The following TSC22D1 variants were observed in gnomAD, a reference collection of about 807,000 sequenced individuals.
TSC22D1 encodes TSC22 domain family protein 1.
A neutral mutation model predicts 74.2 loss-of-function variants in TSC22D1; 9 were observed. The observed-to-expected ratio is 0.12, with a 90% CI of 0.07 to 0.21. The LOEUF (loss-of-function observed/expected upper bound fraction) is 0.21. Ranked by LOEUF, TSC22D1 falls within the 10% of genes least tolerant of loss-of-function variation. TSC22D1 has a pLI of 1.00. For synonymous variants in TSC22D1, 586 were observed against 492.5 expected, an observed-to-expected ratio of 1.19 and a Z score of -2.51; for missense variants, 1,427 against 1,304.7, an observed-to-expected ratio of 1.09 and a Z score of -1.44.
intron 1 of TSC22D1, among the ~76,000 whole-genome samples, chr13:44,556,005 T>A (rs1882611575): frequency 6.6e-6 from 1 of 152,154 alleles, no homozygotes; most frequent in Admixed American, 6.5e-5. Context: ...CAGTCACTTT[T>A]GGCTATTTCA....
At chr13:44,485,554 T>G (rs1002130184) in intron 1 of TSC22D1, among the ~76,000 whole-genome samples, 5 of 152,104 alleles carry the variant, frequency 3.3e-5, no homozygotes, top group African/African-American at 7.2e-5. Context: ...AGAGAACAGA[T>G]GCCTAGAATA....
intron 1 of TSC22D1, among the ~76,000 whole-genome samples, chr13:44,463,087 A>G (rs562217481): frequency 6.6e-6 from 1 of 152,282 alleles, no homozygotes; most frequent in South Asian, 2.1e-4. Flanking sequence ...TTCTAAAATA[A>G]AAACTAAAGC....
rs147203542 is a variant in TSC22D1, at chr13:44,481,099, C to A, written c.2913-45004G>T. Among the ~76,000 whole-genome samples the A allele has an allele frequency of 1.1e-4, 17 of 152,254 alleles. No individual in the cohort carries two copies. In the East Asian group the frequency reaches 2.5e-3, roughly 22 times the overall value. On this transcript the variant is annotated intron_variant, in intron 1 of 2. Transcript: ENST00000458659. The stretch of plus-strand genomic sequence containing the variant: ...GACTGAAAAGGAGAAGGCCAAGAGA[C>A]AGAAGGAGAACCAGAAGAGACTGGT...
intron 1 of TSC22D1, among the ~76,000 whole-genome samples, chr13:44,572,230 C>CTT (rs1156449341): frequency 2.6e-5 from 4 of 152,040 alleles, no homozygotes; most frequent in Non-Finnish European, 5.9e-5. Flanking sequence ...GATTTCACAA[C>CTT]TTTTTTAGCC....
chr13:44,465,887 C>T (rs1482734714), intron 1 of TSC22D1, among the ~76,000 whole-genome samples: 4 of 152,134 alleles, frequency 2.6e-5, no homozygotes, highest in African/African-American at 9.7e-5. Context: ...GCAGGAGAAT[C>T]GCTTGAACCC....
intron 1 of TSC22D1, among the ~76,000 whole-genome samples, chr13:44,551,139 C>T (rs1882209744): frequency 6.6e-6 from 1 of 151,764 alleles, no homozygotes; most frequent in Non-Finnish European, 1.5e-5. Context: ...GGCATGGTGA[C>T]ATGTACCTGC....
chr13:44,437,384 A>C (rs1329057318), intron 1 of TSC22D1: 8 of 377,270 alleles, frequency 2.1e-5, no homozygotes, highest in Non-Finnish European at 2.9e-5. Flanking sequence ...TTTAAAGATA[A>C]TAATCACCCT....
intron 1 of TSC22D1, among the ~76,000 whole-genome samples, chr13:44,477,729 G>A (rs1051091248): frequency 2.4e-4 from 35 of 143,970 alleles, no homozygotes; most frequent in African/African-American, 8.2e-4. Flanking sequence ...TGCAACCTCC[G>A]CCTCCTGGGC....
intron 1 of TSC22D1, among the ~76,000 whole-genome samples, chr13:44,546,870 G>A (rs1023928432): frequency 6.6e-6 from 1 of 151,760 alleles, no homozygotes; most frequent in Non-Finnish European, 1.5e-5. Context: ...CTTCCCTGAC[G>A]AGCGAACCTC....
At chr13:44,502,325 G>A in intron 1 of TSC22D1, among the ~76,000 whole-genome samples, 1 of 152,254 alleles carries the variant, frequency 6.6e-6, no homozygotes, top group East Asian at 1.9e-4. Context: ...TCTCACCTCT[G>A]ATTAATTAAA....
At chr13:44,538,261 T>C in intron 1 of TSC22D1, 1 of 985,362 alleles carries the variant, frequency 1.0e-6, no homozygotes, top group Non-Finnish European at 1.2e-6. Context: ...AAAAGATATT[T>C]CTTCTACTTC....
At chr13:44,538,757 T>A in intron 1 of TSC22D1, 1 of 985,404 alleles carries the variant, frequency 1.0e-6, no homozygotes, top group Non-Finnish European at 1.2e-6. Flanking sequence ...TCTAGACATA[T>A]TGCATGGATC....
intron 1 of TSC22D1, among the ~76,000 whole-genome samples, chr13:44,498,009 C>T (rs1326175478): frequency 6.6e-6 from 1 of 151,900 alleles, no homozygotes; most frequent in Non-Finnish European, 1.5e-5. Context: ...CCTGTCACTC[C>T]TCCCCTTCCT....
chr13:44,479,393 ATTC>A (rs1464977362), intron 1 of TSC22D1, among the ~76,000 whole-genome samples: 4 of 151,570 alleles, frequency 2.6e-5, no homozygotes, highest in Admixed American at 6.6e-5. Context: ...GCCCAAGACA[ATTC>A]TTCTTCCAGC....
chr13:44,496,034 A>G (rs1056954393), intron 1 of TSC22D1, among the ~76,000 whole-genome samples: 6 of 152,234 alleles, frequency 3.9e-5, no homozygotes, highest in Non-Finnish European at 7.3e-5. Flanking sequence ...AAGATAACCT[A>G]CAGAATGGGA....
intron 1 of TSC22D1, among the ~76,000 whole-genome samples, chr13:44,452,289 C>T (rs1595087562): frequency 6.6e-6 from 1 of 152,284 alleles, no homozygotes; most frequent in South Asian, 2.1e-4. Context: ...AAAAAGGAAA[C>T]TGCCGCACAC....
At chr13:44,507,954 T>C (rs118159475) in intron 1 of TSC22D1, among the ~76,000 whole-genome samples, 5,068 of 152,298 alleles carry the variant, frequency 0.033, 123 homozygotes, top group Non-Finnish European at 0.052. Context: ...TTATACAAAT[T>C]CTAACTTGCG....
At chr13:44,550,916 G>A (rs1220776133) in intron 1 of TSC22D1, among the ~76,000 whole-genome samples, 1 of 151,706 alleles carries the variant, frequency 6.6e-6, no homozygotes, top group Non-Finnish European at 1.5e-5. Flanking sequence ...CTCCAGCCTG[G>A]GTGACAAAGT....
intron 1 of TSC22D1, among the ~76,000 whole-genome samples, chr13:44,561,248 A>G (rs1883018016): frequency 1.3e-5 from 2 of 152,158 alleles, no homozygotes; most frequent in Non-Finnish European, 2.9e-5. Flanking sequence ...ATTATCTCAG[A>G]CAATGACAGA....
Sources: allele counts gnomAD v4.1 joint callset (sites outside exome capture counted in the v4.1 genomes callset), GRCh38; gene constraint gnomAD v4.1.1; transcripts MANE v1.5; gene names NCBI Gene and HGNC (gene_info 2026-07-23, HGNC 2026-07-21).